Variants in CNTN6 observed in about 807,000 individuals in gnomAD.
The protein encoded by CNTN6 is contactin 6.
Under a neutral mutation model 122.8 loss-of-function variants are expected in CNTN6, and 137 were observed. That is an observed-to-expected ratio of 1.12 (90% CI 0.97 to 1.29). The LOEUF (loss-of-function observed/expected upper bound fraction) is 1.29. Ranked by LOEUF, CNTN6 falls within the 50% of genes most tolerant of loss-of-function variation. The pLI is 0.00. For missense variants in CNTN6, 1,634 were observed against 1,223.4 expected (o/e 1.34, Z -5.01); for synonymous variants, 570 against 426.0 (o/e 1.34, Z -4.16).
chr3:1,130,677 C>T (rs1559368045), intron 1 of CNTN6, among the ~76,000 whole-genome samples: 1 of 152,090 alleles, frequency 6.6e-6, no homozygotes, highest in East Asian at 1.9e-4. Flanking sequence ...ACTAAACTTG[C>T]ATTCAAATCC....
chr3:1,196,966 T>C (rs561662950), intron 2 of CNTN6, among the ~76,000 whole-genome samples: 1 of 152,270 alleles, frequency 6.6e-6, no homozygotes, highest in African/African-American at 2.4e-5. Context: ...TGTAGAACAC[T>C]GAAAAAAATA....
intron 1 of CNTN6, among the ~76,000 whole-genome samples, chr3:1,141,521 C>T (rs1436877186): frequency 6.6e-6 from 1 of 152,136 alleles, no homozygotes; most frequent in African/African-American, 2.4e-5. Context: ...TGTACTTGAA[C>T]AGCAATAACC....
intron 4 of CNTN6, among the ~76,000 whole-genome samples, chr3:1,242,155 G>C (rs1226886889): frequency 2.0e-5 from 3 of 152,190 alleles, no homozygotes; most frequent in Admixed American, 2.0e-4. Context: ...TTGAAGTAAT[G>C]GGGGCTGTCT....
chr3:1,138,121 A>G lies in CNTN6; in HGVS notation c.-82-9806A>G, dbSNP rs2092525420. Among the ~76,000 whole-genome samples, 4 of 152,266 alleles carry G rather than the reference A, an allele frequency of 2.6e-5. No individual in the cohort carries two copies. In the South Asian group the frequency reaches 8.3e-4, roughly 32 times the overall value. ...TCATCCTTGCACTGCTCCCCAGGAG[A>G]GTATTTCAATTTGTCAAAGTTCCTC... On this transcript the variant is annotated intron_variant, in intron 1 of 22. Transcript: ENST00000446702.
chr3:1,316,841 C>T (rs528215044), intron 7 of CNTN6, among the ~76,000 whole-genome samples: 2 of 151,978 alleles, frequency 1.3e-5, no homozygotes, highest in African/African-American at 4.8e-5. Flanking sequence ...TTTTTCCCAC[C>T]CACTGTCCAT....
At chr3:1,216,563 C>T (rs77442661) in intron 2 of CNTN6, among the ~76,000 whole-genome samples, 1,586 of 152,304 alleles carry the variant, frequency 0.01, 26 homozygotes, top group African/African-American at 0.036. Context: ...TCCACTTGCT[C>T]GATCATCATT....
intron 9 of CNTN6, among the ~76,000 whole-genome samples, chr3:1,326,665 C>T (rs1559831922): frequency 6.6e-6 from 1 of 151,836 alleles, no homozygotes. Context: ...TGTGTCAATT[C>T]TCCATTTTAC....
At chr3:1,152,165 G>A (rs538972814) in intron 2 of CNTN6, among the ~76,000 whole-genome samples, 77 of 151,856 alleles carry the variant, frequency 5.1e-4, no homozygotes, top group Non-Finnish European at 8.1e-4. Flanking sequence ...TTGAGATGGC[G>A]TCTCCCTGTG....
chr3:1,267,604 G>T (rs1225559945), intron 4 of CNTN6, among the ~76,000 whole-genome samples: 35 of 152,196 alleles, frequency 2.3e-4, no homozygotes, highest in African/African-American at 8.2e-4. Flanking sequence ...GAGAAAAATT[G>T]GAATGCTGAT....
chr3:1,221,431 T>C (rs1234641119), intron 3 of CNTN6, among the ~76,000 whole-genome samples: 1 of 152,188 alleles, frequency 6.6e-6, no homozygotes, highest in Admixed American at 6.5e-5. Flanking sequence ...ATTTATTTCA[T>C]CAGATAAAAT....
At chr3:1,271,484 C>G (rs1182036637) in intron 4 of CNTN6, among the ~76,000 whole-genome samples, 4 of 152,170 alleles carry the variant, frequency 2.6e-5, no homozygotes, top group African/African-American at 9.7e-5. Context: ...GACACAGGCT[C>G]AAAATCTGGT....
At chr3:1,307,280 G>T (rs1389753209) in intron 7 of CNTN6, among the ~76,000 whole-genome samples, 1 of 152,116 alleles carries the variant, frequency 6.6e-6, no homozygotes, top group East Asian at 1.9e-4. Context: ...AGACTGGAGA[G>T]GGTCACTGTC....
intron 4 of CNTN6, among the ~76,000 whole-genome samples, chr3:1,276,134 G>A (rs375452728): frequency 6.6e-6 from 1 of 152,192 alleles, no homozygotes; most frequent in Non-Finnish European, 1.5e-5. Flanking sequence ...TGTAAGTAAA[G>A]ATGGGTAATC....
chr3:1,298,597 A>G (rs1489636164), intron 7 of CNTN6, among the ~76,000 whole-genome samples: 6 of 152,182 alleles, frequency 3.9e-5, no homozygotes, highest in Non-Finnish European at 8.8e-5. Flanking sequence ...TGGGATATCT[A>G]GAACCCCTCT....
intron 4 of CNTN6, among the ~76,000 whole-genome samples, chr3:1,262,199 C>T (rs2094856824): frequency 6.6e-6 from 1 of 152,134 alleles, no homozygotes; most frequent in South Asian, 2.1e-4. Context: ...GTAAGAGTCA[C>T]AAGAGGACTT....
At chr3:1,242,921 A>T (rs2094505896) in intron 4 of CNTN6, among the ~76,000 whole-genome samples, 1 of 152,052 alleles carries the variant, frequency 6.6e-6, no homozygotes, top group African/African-American at 2.4e-5. Context: ...GGCAAGGGAA[A>T]CAGGCCCTTG....
chr3:1,295,907 T>C (rs1240871528), intron 6 of CNTN6, 103 bp downstream of exon 6: 3 of 998,034 alleles, frequency 3.0e-6, no homozygotes, highest in Admixed American at 2.5e-5. Context: ...TGGAGCCAAA[T>C]TACGAGTTTA....
chr3:1,098,212 G>A (rs1459947619), intron 1 of CNTN6, among the ~76,000 whole-genome samples: 2 of 151,540 alleles, frequency 1.3e-5, no homozygotes, highest in Non-Finnish European at 2.9e-5. Context: ...TTGTGCACAT[G>A]TACCCTAAAA....
At chr3:1,256,437 T>G (rs3864028) in intron 4 of CNTN6, among the ~76,000 whole-genome samples, 2 of 151,868 alleles carry the variant, frequency 1.3e-5, no homozygotes, top group Non-Finnish European at 2.9e-5. Flanking sequence ...AAATGGATAA[T>G]TGATATTTAT....
Sources: gnomAD v4.1 joint callset for allele counts (sites outside exome capture counted in the v4.1 genomes callset) on GRCh38, gnomAD v4.1.1 for gene constraint, MANE v1.5 for transcripts, NCBI Gene and HGNC (gene_info 2026-07-23, HGNC 2026-07-21) for gene names.